The following RBMS1 variants were observed in gnomAD, a reference collection of about 807,000 sequenced individuals.
RBMS1 encodes RNA binding motif single stranded interacting protein 1.
Under a neutral mutation model 62.3 loss-of-function variants are expected in RBMS1, and 17 were observed. The ratio of observed to expected loss-of-function variants is 0.27; its 90% CI spans 0.19 to 0.41. The LOEUF (loss-of-function observed/expected upper bound fraction) is 0.41, where lower values mean the gene tolerates loss of function less well. RBMS1 is among the 10% of genes least tolerant of loss of function. The pLI, the probability that RBMS1 is intolerant of heterozygous loss-of-function variation, is 1.00. For synonymous variants in RBMS1, 172 were observed against 170.0 expected (o/e 1.01, Z -0.09); for missense variants, 334 against 504.5 (o/e 0.66, Z 3.24).
chr2:160,454,471 G>A (rs12692603), intron 1 of RBMS1, among the ~76,000 whole-genome samples: 76,696 of 152,066 alleles, frequency 0.5, 20,457 homozygotes, highest in Admixed American at 0.63. Flanking sequence ...GAGGTCCTGG[G>A]GTACCAGGAA....
intron 1 of RBMS1, among the ~76,000 whole-genome samples, chr2:160,375,595 C>T (rs1431785963): frequency 2.0e-5 from 3 of 152,130 alleles, no homozygotes; most frequent in Admixed American, 2.0e-4. Flanking sequence ...TTACATTTCA[C>T]ATTCTATTCA....
At chr2:160,433,622 G>C (rs1682994287) in intron 1 of RBMS1, among the ~76,000 whole-genome samples, 1 of 152,172 alleles carries the variant, frequency 6.6e-6, no homozygotes, top group African/African-American at 2.4e-5. Flanking sequence ...GTATGTCAAT[G>C]TTAAAGTGAA....
At chr2:160,285,379 TG>T (rs751362427) in intron 7 of RBMS1, among the ~76,000 whole-genome samples, 1 of 152,166 alleles carries the variant, frequency 6.6e-6, no homozygotes, top group Non-Finnish European at 1.5e-5. Context: ...GGACCTGCAC[TG>T]TCCCATGTGA....
chr2:160,448,459 T>A (rs1285927491), intron 1 of RBMS1, among the ~76,000 whole-genome samples: 1 of 152,222 alleles, frequency 6.6e-6, no homozygotes, highest in East Asian at 1.9e-4. Context: ...CACGCCTGAC[T>A]GGTTTTTGCA....
At chr2:160,464,395 T>A (rs1357362180) in intron 1 of RBMS1, among the ~76,000 whole-genome samples, 3 of 152,238 alleles carry the variant, frequency 2.0e-5, no homozygotes, top group Non-Finnish European at 4.4e-5. Flanking sequence ...TGTGACATCA[T>A]AAATGTAGAT....
chr2:160,278,900 T>G (rs1687969907), intron 10 of RBMS1: 1 of 388,386 alleles, frequency 2.6e-6, no homozygotes, highest in Non-Finnish European at 4.7e-6. Context: ...CAACAATCCC[T>G]GTATTAAAGC....
intron 1 of RBMS1, among the ~76,000 whole-genome samples, chr2:160,468,431 C>T (rs550400413): frequency 6.9e-4 from 105 of 152,268 alleles, no homozygotes; most frequent in African/African-American, 2.3e-3. Flanking sequence ...GGTAAATGCA[C>T]CCTGCTCCAA....
Position 160,493,487 on chromosome 2 carries a change from C to G in RBMS1, c.-124G>C. 1.3e-6 allele frequency: 1 copy of G among 792,396 alleles called. No homozygotes were observed. Among genetic ancestry groups the G allele is most frequent in the Middle Eastern group, 2.7e-4 (1 of 3,732 alleles). The allele number at this position is 792,396 out of a possible 1,614,324, so 49.1% of individuals were successfully genotyped here. A position where few individuals can be genotyped will look rare whatever the true frequency, so the allele number is the denominator to read the frequency against. ...GCGGCGGCGGCGGCGGCTGCTGCTG[C>G]TGCCGCTGCTCCACCTCCCAGCCGG... On this transcript the variant is annotated 5_prime_UTR_variant, in exon 1 of 14. Coordinates refer to ENST00000348849, the MANE Select transcript of RBMS1 (RefSeq NM_016836.4).
At chr2:160,410,029 A>T (rs1328000901) in intron 1 of RBMS1, among the ~76,000 whole-genome samples, 2 of 151,926 alleles carry the variant, frequency 1.3e-5, no homozygotes, top group African/African-American at 2.4e-5. Flanking sequence ...GAGACCATCC[A>T]GGCTAACACG....
At chr2:160,312,827 A>G (rs956670654) in intron 4 of RBMS1, among the ~76,000 whole-genome samples, 7 of 152,174 alleles carry the variant, frequency 4.6e-5, no homozygotes, top group Non-Finnish European at 7.4e-5. Context: ...AATTTAAAAA[A>G]AAAAAAAACA....
intron 1 of RBMS1, among the ~76,000 whole-genome samples, chr2:160,481,077 T>C (rs1685349307): frequency 1.2e-5 from 1 of 85,558 alleles, no homozygotes; most frequent in Non-Finnish European, 2.4e-5. Context: ...TGAGACTGCC[T>C]TAAAAAAAAA....
chr2:160,275,312 A>C (rs73969137), intron 13 of RBMS1: 7,975 of 174,750 alleles, frequency 0.046, 249 homozygotes, highest in African/African-American at 0.089. Flanking sequence ...TATTAAAGTA[A>C]TATGATATAG....
intron 1 of RBMS1, among the ~76,000 whole-genome samples, chr2:160,438,919 G>T (rs1382442310): frequency 6.6e-6 from 1 of 150,886 alleles, no homozygotes; most frequent in Non-Finnish European, 1.5e-5. Context: ...CCTGGACGGG[G>T]CGGCTGGCCG....
intron 1 of RBMS1, among the ~76,000 whole-genome samples, chr2:160,430,057 G>A (rs1682825917): frequency 6.6e-6 from 1 of 152,184 alleles, no homozygotes; most frequent in Non-Finnish European, 1.5e-5. Flanking sequence ...GAGAATGGAG[G>A]CACTCCAGTC....
chr2:160,370,142 A>C (rs537235113), intron 1 of RBMS1, among the ~76,000 whole-genome samples: 1 of 152,228 alleles, frequency 6.6e-6, no homozygotes, highest in Non-Finnish European at 1.5e-5. Flanking sequence ...AATGTACCCA[A>C]TGAGGACTAC....
intron 1 of RBMS1, among the ~76,000 whole-genome samples, chr2:160,440,750 T>C (rs902510150): frequency 6.6e-6 from 1 of 152,222 alleles, no homozygotes; most frequent in Non-Finnish European, 1.5e-5. Flanking sequence ...TTTGTGCACA[T>C]TGGAGGCAGC....
chr2:160,465,809 C>T (rs1226173784), intron 1 of RBMS1, among the ~76,000 whole-genome samples: 1 of 151,584 alleles, frequency 6.6e-6, no homozygotes, highest in Non-Finnish European at 1.5e-5. Flanking sequence ...ACTCCAGGTA[C>T]AAAGGGGCTT....
At chr2:160,403,788 G>C (rs754255846) in intron 1 of RBMS1, among the ~76,000 whole-genome samples, 1 of 152,134 alleles carries the variant, frequency 6.6e-6, no homozygotes, top group Non-Finnish European at 1.5e-5. Context: ...TACATGCCAC[G>C]ATGTGCAGAA....
chr2:160,322,698 C>T (rs1289820739), intron 2 of RBMS1, among the ~76,000 whole-genome samples: 1 of 152,196 alleles, frequency 6.6e-6, no homozygotes, highest in African/African-American at 2.4e-5. Flanking sequence ...TTCTTTTGGG[C>T]TGTCCACTCA....
Sources: gnomAD v4.1 joint callset for allele counts (sites outside exome capture counted in the v4.1 genomes callset) on GRCh38, gnomAD v4.1.1 for gene constraint, MANE v1.5 for transcripts, NCBI Gene and HGNC (gene_info 2026-07-23, HGNC 2026-07-21) for gene names.